The following TRAPPC3 variants were observed in gnomAD, a reference collection of about 807,000 sequenced individuals.
TRAPPC3 encodes the protein trafficking protein particle complex subunit 3, also known as trafficking protein particle complex 3.
Under a neutral mutation model 18.2 loss-of-function variants are expected in TRAPPC3, and 5 were observed. The ratio of observed to expected loss-of-function variants is 0.28; its 90% CI spans 0.14 to 0.58. The LOEUF (loss-of-function observed/expected upper bound fraction) is 0.58. TRAPPC3 is among the 20% of genes least tolerant of loss of function. The pLI is 0.91. For synonymous variants in TRAPPC3, 65 were observed against 84.2 expected (o/e 0.77, Z 1.25); for missense variants, 176 against 225.9 (o/e 0.78, Z 1.41).
At chr1:36,147,240 T>C (rs1644214441) in intron 1 of TRAPPC3, among the ~76,000 whole-genome samples, 1 of 152,100 alleles carries the variant, frequency 6.6e-6, no homozygotes, top group Admixed American at 6.6e-5. Flanking sequence ...GGAGAATCTT[T>C]TGAACCTGGG....
At chr1:36,151,901 A>G (rs1644273928), upstream of TRAPPC3, among the ~76,000 whole-genome samples, 1 of 152,158 alleles carries the variant, frequency 6.6e-6, no homozygotes, top group Non-Finnish European at 1.5e-5. Flanking sequence ...AGAGCTGGAC[A>G]GGGAGGGGCA....
Position 36,149,446 on chromosome 1 carries a change from C to G in TRAPPC3, c.-68G>C. 1 of 1,587,548 alleles carries G rather than the reference C, an allele frequency of 6.3e-7. No homozygotes were observed. Among genetic ancestry groups the G allele is most frequent in the South Asian group, 1.1e-5 (1 of 89,220 alleles). On this transcript the variant is annotated 5_prime_UTR_variant, in exon 1 of 5. Transcript: ENST00000373166. ...TCGGCGACCCCTGCAGACGCCGGAG[C>G]CTAAGCCGCTGCCCCTCAGCCCACA...
At chr1:36,141,534 A>G (rs1009444678) in intron 1 of TRAPPC3, among the ~76,000 whole-genome samples, 1 of 152,182 alleles carries the variant, frequency 6.6e-6, no homozygotes, top group African/African-American at 2.4e-5. Context: ...AATAATTTGA[A>G]TGCCTTTTGC....
At chr1:36,137,412 G>A in intron 4 of TRAPPC3, 90 bp from the exon 5 acceptor site, 1 of 1,379,608 alleles carries the variant, frequency 7.2e-7, no homozygotes, top group Admixed American at 2.2e-5. Flanking sequence ...CTCATCCACA[G>A]CATCCAAAAA....
intron 1 of TRAPPC3, among the ~76,000 whole-genome samples, chr1:36,148,864 TAACA>T (rs1644238283): frequency 6.6e-6 from 1 of 152,148 alleles, no homozygotes; most frequent in African/African-American, 2.4e-5. Context: ...GAGTAAAGCC[TAACA>T]GTCAGCTCCT....
intron 1 of TRAPPC3, 94 bp downstream of exon 1, chr1:36,149,243 C>A (rs2124175828): frequency 1.3e-6 from 2 of 1,574,772 alleles, no homozygotes; most frequent in East Asian, 4.7e-5. Context: ...CACAGGAAGG[C>A]CCTTTTCCAA....
At chr1:36,156,036 C>A (rs1358235563) in exon 1 of TRAPPC3, 4 of 201,976 alleles carry the variant, frequency 2.0e-5, no homozygotes. Context: ...GGGGGCGGCG[C>A]GAACGGCGCG....
At chr1:36,152,195 A>G (rs1644276235), upstream of TRAPPC3, among the ~76,000 whole-genome samples, 1 of 152,070 alleles carries the variant, frequency 6.6e-6, no homozygotes, top group Admixed American at 6.6e-5. Context: ...TCATCTCTCC[A>G]TCAGGTTCAT....
intron 1 of TRAPPC3, among the ~76,000 whole-genome samples, chr1:36,144,929 C>G (rs1252693079): frequency 6.6e-6 from 1 of 152,202 alleles, no homozygotes; most frequent in African/African-American, 2.4e-5. Context: ...CAGCTCTACA[C>G]TCAGGTGAGA....
chr1:36,150,571 G>A (rs756212813), upstream of TRAPPC3, among the ~76,000 whole-genome samples: 7 of 152,242 alleles, frequency 4.6e-5, no homozygotes, highest in Non-Finnish European at 8.8e-5. Context: ...GTCCAGACAC[G>A]AGCCAGCCAG....
At position 36,156,034 on chromosome 1, in the gene TRAPPC3, C is replaced by T. The variant is rs1434853220; in HGVS notation, c.-248G>A. Reference sequence around the variant, plus strand: ...GCGCGGGGCTCCGGGGCGGGGGCGGCGCGAACGGCGCGGACGGCGCGGGCG... The same window carrying T: ...GCGCGGGGCTCCGGGGCGGGGGCGGTGCGAACGGCGCGGACGGCGCGGGCG... On this transcript the variant is annotated 5_prime_UTR_variant, in exon 1 of 5. Coordinates refer to the TRAPPC3 transcript ENST00000617904. 2.0e-5 allele frequency: 4 copies of T among 196,126 alleles called. No individual in the cohort carries two copies. The East Asian group carries it at 5.1e-4, about 25-fold the overall frequency. The allele number at this position is 196,126 out of a possible 1,614,324, so 12.1% of individuals were successfully genotyped here.
chr1:36,154,147 G>C (rs897718049), upstream of TRAPPC3, among the ~76,000 whole-genome samples: 2 of 152,100 alleles, frequency 1.3e-5, no homozygotes, highest in East Asian at 3.8e-4. Flanking sequence ...TGGGATTACA[G>C]GCACCCACCA....
intron 1 of TRAPPC3, among the ~76,000 whole-genome samples, chr1:36,146,752 T>A (rs746482021): frequency 6.6e-6 from 1 of 150,492 alleles, no homozygotes; most frequent in Non-Finnish European, 1.5e-5. Flanking sequence ...TTTCCACTGC[T>A]AGAAGATACA....
At chr1:36,138,086 G>A in intron 3 of TRAPPC3, 108 bp from the exon 4 acceptor site, 1 of 1,583,554 alleles carries the variant, frequency 6.3e-7, no homozygotes, top group Non-Finnish European at 8.6e-7. Flanking sequence ...GAACAAACCT[G>A]TGGCCTCTGC....
At chr1:36,143,855 C>T (rs1489357935) in intron 1 of TRAPPC3, among the ~76,000 whole-genome samples, 1 of 152,188 alleles carries the variant, frequency 6.6e-6, no homozygotes, top group Non-Finnish European at 1.5e-5. Context: ...AAAATGGTGA[C>T]AATGTTACCT....
intron 3 of TRAPPC3, among the ~76,000 whole-genome samples, chr1:36,138,960 C>T (rs1310581465): frequency 5.5e-5 from 8 of 145,092 alleles, no homozygotes; most frequent in South Asian, 2.2e-4. Flanking sequence ...CATTTGAACC[C>T]GGGGGGCGGA....
chr1:36,139,931 A>G lies in TRAPPC3; in HGVS notation c.141-112T>C, dbSNP rs186338253. On this transcript the variant is annotated intron_variant, in intron 2 of 4. Coordinates refer to ENST00000373166, the MANE Select transcript of TRAPPC3 (RefSeq NM_014408.5). ...GGGATAATCTCAAAAACATCCCAGTAAATGAGTTTAGTGAGAAATGTACCC... is the reference window on the plus strand; with the variant it reads ...GGGATAATCTCAAAAACATCCCAGTGAATGAGTTTAGTGAGAAATGTACCC... 2.2e-4 allele frequency: 328 copies of G among 1,515,366 alleles called. 1 individual carries two copies. The African/African-American group carries it at 3.6e-3, about 17-fold the overall frequency. The allele number at this position is 1,515,366 out of a possible 1,614,324, so 93.9% of individuals were successfully genotyped here.
chr1:36,149,136 G>A, intron 1 of TRAPPC3: 1 of 1,452,378 alleles, frequency 6.9e-7, no homozygotes, highest in Non-Finnish European at 9.1e-7. Context: ...CAGGCCTTGG[G>A]GGCGGGGTCT....
At position 36,137,000 on chromosome 1, in the gene TRAPPC3, G is replaced by A; in HGVS notation, c.*203C>T. On this transcript the variant is annotated 3_prime_UTR_variant, in exon 5 of 5. Transcript: ENST00000373166. ...CCCCTCTCAAGGGAATGGGGGCAGA[G>A]ACTGTCGCTCCTGAATGTGCACACA... 2.0e-6 allele frequency: 1 copy of A among 490,082 alleles called. No individual in the cohort carries two copies. The highest frequency in any genetic ancestry group is 3.6e-5 in the Admixed American group (1 of 28,154). The allele number at this position is 490,082 out of a possible 1,614,324, so 30.4% of individuals were successfully genotyped here. A position where few individuals can be genotyped will look rare whatever the true frequency, so the allele number is the denominator to read the frequency against.
Sources: allele counts gnomAD v4.1 joint callset (sites outside exome capture counted in the v4.1 genomes callset), GRCh38; gene constraint gnomAD v4.1.1; transcripts MANE v1.5; gene names NCBI Gene and HGNC (gene_info 2026-07-23, HGNC 2026-07-21).